Variants in HIP1 observed in about 807,000 individuals in gnomAD.
HIP1 encodes the protein huntingtin interacting protein 1.
A neutral mutation model predicts 147.6 loss-of-function variants in HIP1; 65 were observed. The ratio of observed to expected loss-of-function variants is 0.44; its 90% CI spans 0.36 to 0.54. The LOEUF (loss-of-function observed/expected upper bound fraction) is 0.54. Among genes scored for constraint, HIP1 ranks in the 20% least tolerant of loss-of-function variants. HIP1 has a pLI of 0.00. For synonymous variants in HIP1, 479 were observed against 504.0 expected (o/e 0.95, Z 0.67); for missense variants, 1,061 against 1,299.6 (o/e 0.82, Z 2.82).
intron 27 of HIP1, 85 bp downstream of exon 27, chr7:75,544,607 TGCC>T: frequency 2.5e-6 from 2 of 796,680 alleles, no homozygotes; most frequent in Non-Finnish European, 4.4e-6. Flanking sequence ...AGCCAAGTAC[TGCC>T]TAACGCAGCC....
At chr7:75,689,458 T>C (rs1800373260) in intron 1 of HIP1, among the ~76,000 whole-genome samples, 1 of 151,708 alleles carries the variant, frequency 6.6e-6, no homozygotes, top group South Asian at 2.1e-4. Flanking sequence ...GAGCTGAGAT[T>C]GCGCCATTGT....
chr7:75,581,176 AG>A, intron 7 of HIP1, 60 bp downstream of exon 7: 1 of 1,261,552 alleles, frequency 7.9e-7, no homozygotes, highest in Non-Finnish European at 1.1e-6. Flanking sequence ...CAGGGAGAGG[AG>A]GACTAGGAAT....
chr7:75,569,199 A>G (rs1554496127), intron 8 of HIP1, among the ~76,000 whole-genome samples: 1 of 152,182 alleles, frequency 6.6e-6, no homozygotes, highest in African/African-American at 2.4e-5. Context: ...CAGCTCAGCA[A>G]TCCTTTTAGT....
chr7:75,544,962 T>TA (rs1286874621), intron 26 of HIP1, 126 bp downstream of exon 26: 1 of 765,864 alleles, frequency 1.3e-6, no homozygotes, highest in African/African-American at 1.7e-5. Flanking sequence ...AACTCGGTCC[T>TA]ATTGACTTCC....
At chr7:75,706,271 A>C (rs1019445564) in intron 1 of HIP1, among the ~76,000 whole-genome samples, 1 of 152,098 alleles carries the variant, frequency 6.6e-6, no homozygotes, top group African/African-American at 2.4e-5. Context: ...CCAACACTGC[A>C]CAAGAGTTCC....
intron 1 of HIP1, among the ~76,000 whole-genome samples, chr7:75,713,599 C>T (rs1048015239): frequency 2.4e-4 from 37 of 152,264 alleles, no homozygotes; most frequent in African/African-American, 8.7e-4. Flanking sequence ...CTGTCCTGTT[C>T]CTCTGCATAT....
At chr7:75,547,096 T>G in intron 24 of HIP1, 64 bp from the exon 25 acceptor site, 1 of 1,337,866 alleles carries the variant, frequency 7.5e-7, no homozygotes, top group Non-Finnish European at 1.0e-6. Context: ...ACACGACGGT[T>G]CTCTTCCCCA....
chr7:75,724,233 G>A (rs986725946), intron 1 of HIP1, among the ~76,000 whole-genome samples: 8 of 146,564 alleles, frequency 5.5e-5, no homozygotes, highest in Admixed American at 2.0e-4. Flanking sequence ...GATTACAGGC[G>A]TGAGCCACCG....
intron 24 of HIP1, 60 bp from the exon 25 acceptor site, chr7:75,547,092 C>A: frequency 2.2e-6 from 3 of 1,354,452 alleles, no homozygotes; most frequent in Non-Finnish European, 3.1e-6. Flanking sequence ...ATGAACACGA[C>A]GGTTCTCTTC....
Position 75,588,581 on chromosome 7 carries a change from G to A in HIP1, c.385-1748C>T, listed in dbSNP as rs989966216. On this transcript the variant is annotated intron_variant, in intron 4 of 30. Coordinates refer to ENST00000336926, the MANE Select transcript of HIP1 (RefSeq NM_005338.7). ...GCAGATCGCTTAAGCCCAGGAGTTC[G>A]AGACCACCCTTGGCAACATGGCGAA... Among the ~76,000 whole-genome samples, 5 of 152,108 alleles carry A rather than the reference G, an allele frequency of 3.3e-5. No homozygotes were observed. The South Asian group carries it at 1.0e-3, about 32-fold the overall frequency.
At chr7:75,606,023 T>C (rs1797210369) in intron 1 of HIP1, among the ~76,000 whole-genome samples, 1 of 152,038 alleles carries the variant, frequency 6.6e-6, no homozygotes. Context: ...CTAGTTGGTT[T>C]TTTTAAATAG....
intron 1 of HIP1, among the ~76,000 whole-genome samples, chr7:75,685,595 C>T (rs1332351550): frequency 2.0e-5 from 3 of 152,246 alleles, no homozygotes; most frequent in African/African-American, 7.2e-5. Flanking sequence ...GTCGCCCAGG[C>T]TGGAGTGCAA....
At chr7:75,653,108 C>T (rs1799045265) in intron 1 of HIP1, among the ~76,000 whole-genome samples, 1 of 151,284 alleles carries the variant, frequency 6.6e-6, no homozygotes, top group South Asian at 2.1e-4. Flanking sequence ...ATGTTGGCTG[C>T]ATTCATTAGG....
intron 1 of HIP1, among the ~76,000 whole-genome samples, chr7:75,656,463 A>C (rs565133917): frequency 3.1e-4 from 47 of 151,980 alleles, no homozygotes; most frequent in African/African-American, 1.1e-3. Flanking sequence ...TATGTTTCCA[A>C]CTTTAGTATT....
chr7:75,555,045 G>C (rs1222682130), intron 19 of HIP1, among the ~76,000 whole-genome samples: 4 of 151,998 alleles, frequency 2.6e-5, no homozygotes, highest in Non-Finnish European at 5.9e-5. Context: ...AAATTAGCTG[G>C]GCGTGGTGTT....
At chr7:75,538,651 T>G (rs1554489230) in intron 30 of HIP1, among the ~76,000 whole-genome samples, 1 of 147,646 alleles carries the variant, frequency 6.8e-6, no homozygotes, top group Non-Finnish European at 1.5e-5. Context: ...CTCGGCTCAC[T>G]GCAAGCTCCG....
At chr7:75,703,165 A>G (rs1301273679) in intron 1 of HIP1, among the ~76,000 whole-genome samples, 2 of 152,288 alleles carry the variant, frequency 1.3e-5, no homozygotes, top group Middle Eastern at 3.4e-3. Flanking sequence ...CCTGGCCAAC[A>G]TGGCGAAACC....
intron 1 of HIP1, among the ~76,000 whole-genome samples, chr7:75,652,456 T>C (rs758959772): frequency 5.2e-4 from 79 of 152,254 alleles, no homozygotes; most frequent in Admixed American, 1.4e-3. Context: ...CTCCAACTCC[T>C]GGGCTCAAAC....
At chr7:75,584,733 C>T (rs1328710923) in intron 5 of HIP1, among the ~76,000 whole-genome samples, 2 of 152,136 alleles carry the variant, frequency 1.3e-5, no homozygotes, top group African/African-American at 4.8e-5. Context: ...GCTCCCATCC[C>T]AGTCCTCTTC....
Sources: allele counts gnomAD v4.1 joint callset (sites outside exome capture counted in the v4.1 genomes callset), GRCh38; gene constraint gnomAD v4.1.1; transcripts MANE v1.5; gene names NCBI Gene and HGNC (gene_info 2026-07-23, HGNC 2026-07-21).